Variants in DNAI7 observed in about 807,000 individuals in gnomAD.
The protein encoded by DNAI7 is cancer susceptibility 1.
DNAI7 carries 78 observed loss-of-function variants against 86.6 expected under a neutral mutation model. The observed-to-expected ratio is 0.90, with a 90% CI of 0.75 to 1.09. The LOEUF is 1.09. DNAI7 is among the 50% of genes least tolerant of loss of function. DNAI7 has a pLI of 0.00. For synonymous variants in DNAI7, 274 were observed against 273.0 expected, an observed-to-expected ratio of 1.00 and a Z score of -0.04; for missense variants, 753 against 810.2, an observed-to-expected ratio of 0.93 and a Z score of 0.86.
At chr12:25,169,427 G>A (rs952997837) in intron 2 of DNAI7, among the ~76,000 whole-genome samples, 6 of 151,946 alleles carry the variant, frequency 3.9e-5, no homozygotes, top group South Asian at 2.1e-4. Context: ...CTCTCTTTTC[G>A]GACTCAGCCT....
chr12:25,143,934 G>A (rs1324067227), intron 9 of DNAI7, among the ~76,000 whole-genome samples: 4 of 152,184 alleles, frequency 2.6e-5, no homozygotes, highest in African/African-American at 9.7e-5. Flanking sequence ...TCAGAGAAGA[G>A]TGTAATATTT....
chr12:25,113,389 C>A (rs532651577), intron 13 of DNAI7, among the ~76,000 whole-genome samples: 2 of 152,234 alleles, frequency 1.3e-5, no homozygotes, highest in South Asian at 4.1e-4. Context: ...GCAACCTCCG[C>A]CTCCCGGGTT....
chr12:25,180,238 G>T (rs1045037427), intron 2 of DNAI7, among the ~76,000 whole-genome samples: 1 of 152,150 alleles, frequency 6.6e-6, no homozygotes, highest in East Asian at 1.9e-4. Flanking sequence ...CCAAGGAGGT[G>T]AAATATCTCT....
chr12:25,154,540 T>C (rs1945933005), intron 5 of DNAI7, 84 bp from the exon 6 acceptor site: 1 of 1,439,760 alleles, frequency 6.9e-7, no homozygotes, highest in Non-Finnish European at 9.5e-7. Flanking sequence ...GGTGAATTTT[T>C]ATAACCTAGT....
intron 2 of DNAI7, among the ~76,000 whole-genome samples, chr12:25,186,351 TA>T (rs977511820): frequency 2.0e-5 from 3 of 152,134 alleles, no homozygotes; most frequent in African/African-American, 7.2e-5. Context: ...CTTTCTTCAT[TA>T]AAAAATTAAT....
At chr12:25,186,888 C>G (rs1472228744) in intron 2 of DNAI7, among the ~76,000 whole-genome samples, 1 of 151,966 alleles carries the variant, frequency 6.6e-6, no homozygotes, top group Non-Finnish European at 1.5e-5. Flanking sequence ...CCTTAGAAAA[C>G]CTTTGTACAC....
intron 2 of DNAI7, among the ~76,000 whole-genome samples, chr12:25,177,690 C>T (rs766356125): frequency 2.0e-4 from 31 of 152,208 alleles, no homozygotes; most frequent in Admixed American, 7.2e-4. Flanking sequence ...CTGATGGGTA[C>T]GTACATTTTC....
At chr12:25,123,368 T>C in intron 9 of DNAI7, 82 bp from the exon 10 acceptor site, 1 of 820,264 alleles carries the variant, frequency 1.2e-6, no homozygotes, top group Non-Finnish European at 1.8e-6. Context: ...AGTCCTCACT[T>C]CAGATGCCTG....
intron 2 of DNAI7, among the ~76,000 whole-genome samples, chr12:25,176,748 G>GT (rs1478756610): frequency 6.6e-6 from 1 of 151,160 alleles, no homozygotes; most frequent in East Asian, 1.9e-4. Flanking sequence ...TCATTTCCTT[G>GT]TTTTTCTTTA....
At chr12:25,189,550 G>A (rs1412510803) in intron 2 of DNAI7, among the ~76,000 whole-genome samples, 6 of 147,764 alleles carry the variant, frequency 4.1e-5, no homozygotes, top group African/African-American at 7.4e-5. Flanking sequence ...GCTGAGGTGG[G>A]AGAATTGCTT....
At chr12:25,174,650 TAG>T (rs1491324030) in intron 2 of DNAI7, among the ~76,000 whole-genome samples, 10 of 124,718 alleles carry the variant, frequency 8.0e-5, no homozygotes, top group African/African-American at 2.8e-4. Flanking sequence ...ATATGGAATA[TAG>T]ATATCATATA....
At position 25,119,137 on chromosome 12, in the gene DNAI7, A is replaced by G. The variant is rs201931241; in HGVS notation, c.1396+8T>C. 7 of 1,587,116 alleles carry G rather than the reference A, an allele frequency of 4.4e-6. No homozygotes were observed. The East Asian group carries it at 1.3e-4, about 31-fold the overall frequency. On this transcript the variant is annotated splice_region_variant and intron_variant, in intron 12 of 15. Transcript: ENST00000395987. ...CCTCCTTTTATTACATAATTATAAA[A>G]GCTGTACCTTCAGCATCCCACCTTA...
chr12:25,108,904 G>A, intron 15 of DNAI7, 81 bp from the exon 16 acceptor site: 2 of 855,970 alleles, frequency 2.3e-6, no homozygotes, highest in South Asian at 2.4e-5. Flanking sequence ...TTATTTGAAG[G>A]GCTCAATTTA....
rs1344253402 is a variant in DNAI7 at position 25,119,227 on chromosome 12, G to A, written c.1314C>T (p.Phe438=). ...TTEEFETENA[F]PPIEVTLEVH... is the part of the protein sequence containing the mutation. ...CCTCAAGTGTGACCTCTATAGGTGG[G>A]AAAGCATTTTCTGTCTCAAACTCTT... Residue 438 remains phenylalanine (F), a synonymous_variant, in exon 12 of 16, where the codon TTC becomes TTT. Coordinates refer to ENST00000395987, the MANE Select transcript of DNAI7 (RefSeq NM_018272.5). The A allele has an allele frequency of 6.2e-7, 1 of 1,612,182 alleles. No homozygotes were observed. The highest frequency in any genetic ancestry group is 2.2e-5 in the East Asian group (1 of 44,854).
chr12:25,160,145 G>T (rs1236544251), intron 3 of DNAI7, among the ~76,000 whole-genome samples: 1 of 151,654 alleles, frequency 6.6e-6, no homozygotes, highest in Non-Finnish European at 1.5e-5. Context: ...TTTTATAAAA[G>T]AATAAAAATA....
intron 7 of DNAI7, among the ~76,000 whole-genome samples, chr12:25,148,532 T>C (rs1945138847): frequency 6.6e-6 from 1 of 152,192 alleles, no homozygotes; most frequent in African/African-American, 2.4e-5. Flanking sequence ...GATCCTTATT[T>C]GAAACAGTTA....
chr12:25,182,965 G>A (rs574959148), intron 2 of DNAI7, among the ~76,000 whole-genome samples: 5 of 140,804 alleles, frequency 3.6e-5, no homozygotes, highest in African/African-American at 7.7e-5. Context: ...GAGGAAGGGA[G>A]GAAGGGAGGA....
intron 11 of DNAI7, among the ~76,000 whole-genome samples, chr12:25,120,925 A>T (rs1941200247): frequency 6.6e-6 from 1 of 152,096 alleles, no homozygotes; most frequent in Non-Finnish European, 1.5e-5. Context: ...TTACCTGGGG[A>T]TCTTGTTCCA....
At chr12:25,142,706 T>C (rs1944354084) in intron 9 of DNAI7, among the ~76,000 whole-genome samples, 1 of 152,244 alleles carries the variant, frequency 6.6e-6, no homozygotes, top group South Asian at 2.1e-4. Context: ...GTTCTTTGTT[T>C]TCAGGAATAT....
Sources: allele counts gnomAD v4.1 joint callset (sites outside exome capture counted in the v4.1 genomes callset), GRCh38; gene constraint gnomAD v4.1.1; transcripts MANE v1.5; gene names NCBI Gene and HGNC (gene_info 2026-07-23, HGNC 2026-07-21).